The following DIAPH3 variants were observed in gnomAD, a reference collection of about 807,000 sequenced individuals.
DIAPH3 encodes the protein protein diaphanous homolog 3.
In DIAPH3, 117 loss-of-function variants were observed where a neutral mutation model predicts 144.3. The observed-to-expected ratio is 0.81, with a 90% CI of 0.70 to 0.95. The LOEUF (loss-of-function observed/expected upper bound fraction) is 0.95. Among genes scored for constraint, DIAPH3 ranks in the 40% least tolerant of loss-of-function variants. The probability of loss-of-function intolerance (pLI) is 0.00; values close to 1 mark genes in which losing one functional copy is unlikely to be tolerated. For missense variants in DIAPH3, 1,421 were observed against 1,412.7 expected (o/e 1.01, Z -0.09); for synonymous variants, 519 against 488.9 (o/e 1.06, Z -0.81).
chr13:59,692,178 A>G (rs1312309415), intron 27 of DIAPH3, among the ~76,000 whole-genome samples: 1 of 136,650 alleles, frequency 7.3e-6, no homozygotes, highest in Non-Finnish European at 1.5e-5. Context: ...AAAGAATACA[A>G]ACTTTTACTC....
rs538231332 is a variant in DIAPH3 at position 60,054,229 on chromosome 13, C to T, written c.496-11409G>A. Among the ~76,000 whole-genome samples, 43 of 151,874 alleles carry T rather than the reference C, an allele frequency of 2.8e-4. 1 individual carries two copies. The South Asian group carries it at 7.5e-3, about 26-fold the overall frequency. ...TAACATGAAGGCCCATAATATATAG[C>T]CTCTAGAGATTAAAATATTAAGATA... On this transcript the variant is annotated intron_variant, in intron 4 of 27. Coordinates refer to ENST00000400324, the MANE Select transcript of DIAPH3 (RefSeq NM_001042517.2).
intron 20 of DIAPH3, among the ~76,000 whole-genome samples, chr13:59,882,889 T>C (rs1356083677): frequency 6.6e-6 from 1 of 152,180 alleles, no homozygotes; most frequent in East Asian, 1.9e-4. Context: ...CTGTTTTTCC[T>C]GAAGGCAGGG....
At chr13:60,121,288 T>G (rs1018195952) in intron 2 of DIAPH3, among the ~76,000 whole-genome samples, 11 of 152,116 alleles carry the variant, frequency 7.2e-5, no homozygotes, top group Non-Finnish European at 1.3e-4. Context: ...CATTTACAGA[T>G]TAAAGAAAAT....
At chr13:59,913,102 A>T (rs1041742460) in intron 19 of DIAPH3, among the ~76,000 whole-genome samples, 7 of 152,162 alleles carry the variant, frequency 4.6e-5, no homozygotes, top group African/African-American at 1.4e-4. Flanking sequence ...ATTCTAGTTG[A>T]CAGCTGGATT....
intron 25 of DIAPH3, among the ~76,000 whole-genome samples, chr13:59,798,199 C>A (rs2039713796): frequency 2.0e-5 from 3 of 152,192 alleles, no homozygotes; most frequent in African/African-American, 7.2e-5. Context: ...TTATCTCTTG[C>A]AAAATTGCAA....
At chr13:59,708,166 G>A (rs1432443340) in intron 27 of DIAPH3, among the ~76,000 whole-genome samples, 1 of 151,620 alleles carries the variant, frequency 6.6e-6, no homozygotes, top group Non-Finnish European at 1.5e-5. Context: ...GGGCTCAAGC[G>A]ATCCTCCTGC....
At chr13:59,974,544 G>T in intron 14 of DIAPH3, 88 bp from the exon 15 acceptor site, 1 of 1,108,090 alleles carries the variant, frequency 9.0e-7, no homozygotes, top group Non-Finnish European at 1.3e-6. Flanking sequence ...CGAATGATCT[G>T]CCGGTAGAAC....
intron 9 of DIAPH3, among the ~76,000 whole-genome samples, chr13:60,001,833 G>A (rs1024481238): frequency 6.6e-6 from 1 of 152,138 alleles, no homozygotes; most frequent in African/African-American, 2.4e-5. Context: ...GTTACTCTGG[G>A]GAGCTTCCTG....
intron 3 of DIAPH3, among the ~76,000 whole-genome samples, chr13:60,100,803 T>C (rs1337145831): frequency 2.6e-5 from 4 of 151,590 alleles, no homozygotes; most frequent in African/African-American, 9.7e-5. Flanking sequence ...TTTTTTTATA[T>C]CCCCTAAATA....
intron 17 of DIAPH3, among the ~76,000 whole-genome samples, chr13:59,961,260 G>A (rs1351768152): frequency 6.6e-6 from 1 of 152,142 alleles, no homozygotes; most frequent in African/African-American, 2.4e-5. Flanking sequence ...CAACTACAAT[G>A]AGCTGGGCAC....
At chr13:59,802,775 G>A (rs2040005348) in intron 25 of DIAPH3, among the ~76,000 whole-genome samples, 1 of 137,340 alleles carries the variant, frequency 7.3e-6, no homozygotes, top group Non-Finnish European at 1.5e-5. Context: ...TCCGCTTCGC[G>A]GGTTCACGCC....
At chr13:60,118,859 T>C (rs531484276) in intron 2 of DIAPH3, among the ~76,000 whole-genome samples, 2 of 152,254 alleles carry the variant, frequency 1.3e-5, no homozygotes, top group Non-Finnish European at 1.5e-5. Flanking sequence ...ATGCCTTCCC[T>C]GACCACTTTA....
chr13:60,087,317 A>G (rs1338930878), intron 4 of DIAPH3, among the ~76,000 whole-genome samples: 1 of 152,226 alleles, frequency 6.6e-6, no homozygotes, highest in Non-Finnish European at 1.5e-5. Flanking sequence ...GTAATACTGC[A>G]GAATACAATG....
intron 24 of DIAPH3, among the ~76,000 whole-genome samples, chr13:59,811,338 A>C (rs1462161435): frequency 1.3e-5 from 2 of 152,224 alleles, no homozygotes; most frequent in Non-Finnish European, 2.9e-5. Flanking sequence ...AAAAATTATC[A>C]AATTAAAGAC....
intron 17 of DIAPH3, among the ~76,000 whole-genome samples, chr13:59,968,843 T>C (rs1044157162): frequency 1.1e-4 from 17 of 152,192 alleles, no homozygotes; most frequent in Admixed American, 9.8e-4. Flanking sequence ...AACAGATACA[T>C]AAAGCATCTA....
intron 20 of DIAPH3, among the ~76,000 whole-genome samples, chr13:59,888,965 T>A (rs2140111991): frequency 6.6e-6 from 1 of 152,166 alleles, no homozygotes; most frequent in African/African-American, 2.4e-5. Context: ...GCCAGCAAAA[T>A]CTTTTATCTT....
chr13:59,711,088 T>C (rs1047411028), intron 27 of DIAPH3, among the ~76,000 whole-genome samples: 1 of 152,218 alleles, frequency 6.6e-6, no homozygotes, highest in South Asian at 2.1e-4. Flanking sequence ...ATTGACTTTA[T>C]GAAATAGTTA....
At chr13:59,731,063 T>C (rs2035869910) in intron 27 of DIAPH3, among the ~76,000 whole-genome samples, 1 of 152,194 alleles carries the variant, frequency 6.6e-6, no homozygotes, top group Non-Finnish European at 1.5e-5. Flanking sequence ...GCATTCACTG[T>C]TGCTTACCTG....
intron 2 of DIAPH3, among the ~76,000 whole-genome samples, chr13:60,115,767 T>C (rs2058687940): frequency 6.6e-6 from 1 of 152,264 alleles, no homozygotes; most frequent in African/African-American, 2.4e-5. Context: ...TATAACTTTT[T>C]CTTTTTTCGA....
Sources: allele counts gnomAD v4.1 joint callset (sites outside exome capture counted in the v4.1 genomes callset), GRCh38; gene constraint gnomAD v4.1.1; transcripts MANE v1.5; gene names NCBI Gene and HGNC (gene_info 2026-07-23, HGNC 2026-07-21).